Variants in SKIC3 observed in about 807,000 individuals in gnomAD.
SKIC3 encodes SKI3 subunit of superkiller complex.
chr5:95,487,019 G>C, the SKIC3 span, among the ~76,000 whole-genome samples: 1 of 152,210 alleles, frequency 6.6e-6, no homozygotes, highest in African/African-American at 2.4e-5. Context: ...AGAATAACAT[G>C]TGAGTCAGTG....
the SKIC3 span, among the ~76,000 whole-genome samples, chr5:95,509,343 G>A: frequency 6.6e-6 from 1 of 152,068 alleles, no homozygotes. Flanking sequence ...GATTTATTGG[G>A]TGAAAAGGAA....
chr5:95,540,671 G>A, the SKIC3 span: 13 of 1,613,466 alleles, frequency 8.1e-6, no homozygotes, highest in South Asian at 1.1e-5. Context: ...ACAAACTTGA[G>A]GAATAAATGA....
the SKIC3 span, among the ~76,000 whole-genome samples, chr5:95,465,177 G>C: frequency 6.6e-6 from 1 of 151,958 alleles, no homozygotes; most frequent in Non-Finnish European, 1.5e-5. Context: ...TAATCTGCTG[G>C]CCTTGGTCTC....
chr5:95,540,908 AAC>A, the SKIC3 span: 1 of 1,387,638 alleles, frequency 7.2e-7, no homozygotes, highest in Admixed American at 1.7e-5. Flanking sequence ...TGCAAATAAA[AAC>A]ATTTTTAATT....
the SKIC3 span, among the ~76,000 whole-genome samples, chr5:95,538,527 CTATA>C: frequency 6.6e-6 from 1 of 151,984 alleles, no homozygotes; most frequent in South Asian, 2.1e-4. Context: ...ACTTCCTATC[CTATA>C]TAGAGTCTAT....
the SKIC3 span, among the ~76,000 whole-genome samples, chr5:95,528,418 T>G: frequency 6.6e-6 from 1 of 152,150 alleles, no homozygotes; most frequent in Non-Finnish European, 1.5e-5. Flanking sequence ...AAAACGACAA[T>G]GGCTATCTAT....
chr5:95,519,017 A>C, the SKIC3 span, among the ~76,000 whole-genome samples: 2 of 151,778 alleles, frequency 1.3e-5, no homozygotes, highest in Non-Finnish European at 2.9e-5. Flanking sequence ...GTGACATGAT[A>C]CCTTACTGTG....
At chr5:95,498,293 G>C in the SKIC3 span, 1 of 1,430,114 alleles carries the variant, frequency 7.0e-7, no homozygotes, top group Non-Finnish European at 9.9e-7. Flanking sequence ...TTATTTTATA[G>C]TATTAATAAA....
the SKIC3 span, among the ~76,000 whole-genome samples, chr5:95,496,751 C>T: frequency 3.9e-5 from 6 of 152,108 alleles, no homozygotes; most frequent in African/African-American, 1.4e-4. Context: ...ACAAGACTCA[C>T]AGATGTCAAA....
the SKIC3 span, among the ~76,000 whole-genome samples, chr5:95,524,181 T>C: frequency 2.0e-5 from 3 of 152,196 alleles, no homozygotes; most frequent in Non-Finnish European, 4.4e-5. Flanking sequence ...ATCTAACTTG[T>C]ATGCTCATAA....
At chr5:95,479,278 G>A in the SKIC3 span, among the ~76,000 whole-genome samples, 1 of 152,086 alleles carries the variant, frequency 6.6e-6, no homozygotes, top group Non-Finnish European at 1.5e-5. Context: ...AAGACCTCTA[G>A]GTTGAAAATT....
At chr5:95,506,138 A>G in the SKIC3 span, among the ~76,000 whole-genome samples, 1 of 152,238 alleles carries the variant, frequency 6.6e-6, no homozygotes, top group Non-Finnish European at 1.5e-5. Flanking sequence ...ATTTTTTTCA[A>G]CTTTTAAATT....
the SKIC3 span, among the ~76,000 whole-genome samples, chr5:95,485,306 C>T: frequency 6.6e-6 from 1 of 152,142 alleles, no homozygotes; most frequent in African/African-American, 2.4e-5. Flanking sequence ...TCCCTTAGCC[C>T]CTGTCCCCAG....
chr5:95,553,204 A>C, the SKIC3 span, among the ~76,000 whole-genome samples: 1 of 152,194 alleles, frequency 6.6e-6, no homozygotes, highest in African/African-American at 2.4e-5. Context: ...GCTCCAAATC[A>C]CTGCAGCACC....
At chr5:95,477,353 C>CA in the SKIC3 span, among the ~76,000 whole-genome samples, 648 of 147,806 alleles carry the variant, frequency 4.4e-3, 4 homozygotes, top group African/African-American at 5.4e-3. Context: ...GGCACCAAAG[C>CA]AAAAAAAAAG....
chr5:95,505,466 C>T, the SKIC3 span, among the ~76,000 whole-genome samples: 1 of 152,108 alleles, frequency 6.6e-6, no homozygotes, highest in Admixed American at 6.6e-5. Context: ...AATAATGGAA[C>T]TACAGAAGGG....
the SKIC3 span, among the ~76,000 whole-genome samples, chr5:95,518,658 G>T: frequency 6.6e-6 from 1 of 151,894 alleles, no homozygotes; most frequent in Non-Finnish European, 1.5e-5. Context: ...TTTTATGGCT[G>T]AATAGTATTC....
chr5:95,517,169 A>C, the SKIC3 span: 1 of 1,613,260 alleles, frequency 6.2e-7, no homozygotes, highest in Non-Finnish European at 8.5e-7. Flanking sequence ...GGAGGAGCTC[A>C]TTTTTCTTTA....
At chr5:95,544,688 A>G in the SKIC3 span, among the ~76,000 whole-genome samples, 3 of 152,218 alleles carry the variant, frequency 2.0e-5, no homozygotes, top group African/African-American at 7.2e-5. Flanking sequence ...GGCACTTAAC[A>G]GCTGAACAAA....
Sources: gnomAD v4.1 joint callset for allele counts (sites outside exome capture counted in the v4.1 genomes callset) on GRCh38, gnomAD v4.1.1 for gene constraint, MANE v1.5 for transcripts, NCBI Gene and HGNC (gene_info 2026-07-23, HGNC 2026-07-21) for gene names.